Variants in CSMD3 observed in about 807,000 individuals in gnomAD.
CSMD3 encodes CUB and Sushi multiple domains 3, also known as CUB and sushi domain-containing protein 3.
CSMD3 carries 177 observed loss-of-function variants against 435.2 expected under a neutral mutation model. That is an observed-to-expected ratio of 0.41 (90% CI 0.36 to 0.46). The LOEUF is 0.46. Among genes scored for constraint, CSMD3 ranks in the 20% least tolerant of loss-of-function variants. The pLI is 0.34. For missense variants in CSMD3, 4,265 were observed against 4,504.6 expected (o/e 0.95, Z 1.52); for synonymous variants, 1,656 against 1,520.5 (o/e 1.09, Z -2.07).
intron 11 of CSMD3, among the ~76,000 whole-genome samples, chr8:112,855,809 CT>C (rs34885472): frequency 0.013 from 1,700 of 135,540 alleles, 29 homozygotes; most frequent in African/African-American, 0.041. Context: ...CTTAGCGAAG[CT>C]TTTTTTTTTT....
chr8:112,340,283 T>A (rs1340592879), intron 42 of CSMD3, among the ~76,000 whole-genome samples: 1 of 152,210 alleles, frequency 6.6e-6, no homozygotes, highest in Non-Finnish European at 1.5e-5. Context: ...GTTAATTCAA[T>A]GTGCTGGGAG....
intron 1 of CSMD3, among the ~76,000 whole-genome samples, chr8:113,324,345 G>A (rs1240121208): frequency 2.0e-5 from 3 of 152,140 alleles, no homozygotes; most frequent in Admixed American, 6.5e-5. Flanking sequence ...TCATGGGCTA[G>A]GCCTAGGGTC....
At chr8:113,125,705 T>C (rs983292321) in intron 4 of CSMD3, among the ~76,000 whole-genome samples, 1 of 151,888 alleles carries the variant, frequency 6.6e-6, no homozygotes, top group African/African-American at 2.4e-5. Flanking sequence ...ATAAAGAAAG[T>C]GTTTAAAGAC....
At chr8:113,128,168 C>T (rs187291996) in intron 4 of CSMD3, among the ~76,000 whole-genome samples, 4 of 152,080 alleles carry the variant, frequency 2.6e-5, no homozygotes, top group Non-Finnish European at 5.9e-5. Context: ...TTCTGTTCTG[C>T]CCCATGAAGG....
chr8:112,897,668 C>CAT (rs2130394781), intron 10 of CSMD3, among the ~76,000 whole-genome samples: 1 of 100,104 alleles, frequency 1.0e-5, no homozygotes, highest in African/African-American at 4.7e-5. Context: ...TACTATTTCT[C>CAT]TCTCTCTCTC....
At chr8:112,645,526 T>G (rs967980729) in intron 19 of CSMD3, among the ~76,000 whole-genome samples, 1 of 151,056 alleles carries the variant, frequency 6.6e-6, no homozygotes, top group Non-Finnish European at 1.5e-5. Context: ...CATGAGTAAT[T>G]AATTGTTTAA....
chr8:112,653,688 C>G, intron 18 of CSMD3, among the ~76,000 whole-genome samples: 1 of 137,928 alleles, frequency 7.3e-6, no homozygotes, highest in South Asian at 2.3e-4. Context: ...GAGATGGAGT[C>G]TCACTCTGTC....
intron 25 of CSMD3, among the ~76,000 whole-genome samples, chr8:112,553,160 T>A (rs1338256611): frequency 6.6e-6 from 1 of 152,098 alleles, no homozygotes. Flanking sequence ...AATTTCATTG[T>A]CCTTTTATTT....
rs2129861027 is a variant in CSMD3, at chr8:112,859,254, C to A, written c.1646G>T (p.Gly549Val). ...ACCACTTGGTCCTTGAAGATTAGAG[C>A]CACACGTTTTCACTAAAAGAGAAAT... ...HRPVCKVKTCGSNLQGPSGTF... is the reference protein window; with the variant it reads ...HRPVCKVKTCVSNLQGPSGTF... Residue 549 changes from glycine to valine, a missense_variant, in exon 11 of 71, where the codon GGC becomes GTC. By Grantham distance (109) the Gly-to-Val change is moderately radical. Around this residue, in one of 3 missense-constraint regions of CSMD3, gnomAD observed 731 missense variants for 755.4 expected, o/e 0.97. Coordinates refer to ENST00000297405, the MANE Select transcript of CSMD3 (RefSeq NM_198123.2). The A allele has an allele frequency of 6.2e-7, 1 of 1,610,962 alleles. No homozygotes were observed. Among genetic ancestry groups the A allele is most frequent in the Admixed American group, 1.7e-5 (1 of 59,816 alleles).
intron 5 of CSMD3, among the ~76,000 whole-genome samples, chr8:113,046,182 G>C (rs911814577): frequency 6.7e-6 from 1 of 148,908 alleles, no homozygotes; most frequent in Non-Finnish European, 1.5e-5. Flanking sequence ...GGATACGACT[G>C]TCTCAGTCAG....
intron 3 of CSMD3, among the ~76,000 whole-genome samples, chr8:113,238,901 A>C (rs941858684): frequency 2.0e-5 from 3 of 152,276 alleles, no homozygotes; most frequent in Admixed American, 2.0e-4. Context: ...TGGGATTCCA[A>C]GATACTTGGT....
intron 1 of CSMD3, among the ~76,000 whole-genome samples, chr8:113,431,190 C>CGCAGTG (rs1222965837): frequency 6.6e-6 from 1 of 152,128 alleles, no homozygotes; most frequent in Non-Finnish European, 1.5e-5. Flanking sequence ...ATTTGGCAAC[C>CGCAGTG]GCAGTGTCTG....
chr8:112,405,183 CAAAAAAAAA>C lies in CSMD3; in HGVS notation c.5809+1332_5809+1340del. On this transcript the variant is annotated intron_variant, in intron 35 of 70. Transcript: ENST00000297405. ...TGAGCGACACAGCAAGACTCTCTCTCAAAAAAAAAAAAAAAAAAAAAAAAAACCCCCATA... is the reference window on the plus strand; with the variant it reads ...TGAGCGACACAGCAAGACTCTCTCTCAAAAAAAAAAAAAAAAACCCCCATA... Among the ~76,000 whole-genome samples the C allele has an allele frequency of 3.0e-4, 2 of 6,768 alleles. 1 individual carries two copies. Among genetic ancestry groups the C allele is most frequent in the East Asian group, 8.8e-3 (2 of 228 alleles). The allele number at this position is 6,768 out of a possible 152,430, so 4.4% of individuals were successfully genotyped here. A position where few individuals can be genotyped will look rare whatever the true frequency, so the allele number is the denominator to read the frequency against.
At chr8:113,073,421 G>A (rs2089210722) in intron 5 of CSMD3, among the ~76,000 whole-genome samples, 1 of 151,780 alleles carries the variant, frequency 6.6e-6, no homozygotes. Context: ...TCAGTCTAGA[G>A]GAATGAACAA....
At chr8:113,146,674 G>C (rs531191179) in intron 4 of CSMD3, among the ~76,000 whole-genome samples, 1 of 151,680 alleles carries the variant, frequency 6.6e-6, no homozygotes, top group South Asian at 2.1e-4. Context: ...TAATAAATGT[G>C]GCTGGAAAAG....
intron 53 of CSMD3, among the ~76,000 whole-genome samples, chr8:112,301,296 T>C (rs563276873): frequency 2.0e-5 from 3 of 152,110 alleles, no homozygotes; most frequent in African/African-American, 4.8e-5. Flanking sequence ...AACATCCTAA[T>C]TGCCTAAAAT....
intron 13 of CSMD3, among the ~76,000 whole-genome samples, chr8:112,700,657 G>A (rs2076369963): frequency 6.6e-6 from 1 of 152,064 alleles, no homozygotes; most frequent in Admixed American, 6.6e-5. Context: ...AATGTTACCA[G>A]TTGTCTCAGG....
intron 1 of CSMD3, among the ~76,000 whole-genome samples, chr8:113,368,860 G>A (rs181564774): frequency 5.5e-4 from 84 of 152,058 alleles, no homozygotes; most frequent in Admixed American, 3.1e-3. Context: ...TTCCAATGAA[G>A]GTAATGTTTT....
At chr8:112,689,614 T>A (rs1330282923) in intron 14 of CSMD3, among the ~76,000 whole-genome samples, 1 of 152,000 alleles carries the variant, frequency 6.6e-6, no homozygotes, top group Non-Finnish European at 1.5e-5. Flanking sequence ...GTATAAAATG[T>A]CATGAAATAA....
Sources: allele counts gnomAD v4.1 joint callset (sites outside exome capture counted in the v4.1 genomes callset), GRCh38; gene constraint gnomAD v4.1.1; regional missense constraint gnomAD v4.1.1; transcripts MANE v1.5; gene names NCBI Gene and HGNC (gene_info 2026-07-23, HGNC 2026-07-21).